Variants in CDC25C observed in about 807,000 individuals in gnomAD.
CDC25C encodes M-phase inducer phosphatase 3.
Under a neutral mutation model 52.5 loss-of-function variants are expected in CDC25C, and 48 were observed. The ratio of observed to expected loss-of-function variants is 0.91; its 90% CI spans 0.72 to 1.16. The LOEUF (loss-of-function observed/expected upper bound fraction) is 1.16, where lower values mean the gene tolerates loss of function less well. Ranked by LOEUF, CDC25C falls within the 50% of genes most tolerant of loss-of-function variation. CDC25C has a pLI of 0.00. For synonymous variants in CDC25C, 187 were observed against 206.5 expected (o/e 0.91, Z 0.81); for missense variants, 510 against 566.1 (o/e 0.90, Z 1.01).
chr5:138,315,946 C>T (rs1012474474), intron 7 of CDC25C, among the ~76,000 whole-genome samples: 1 of 152,218 alleles, frequency 6.6e-6, no homozygotes, highest in African/African-American at 2.4e-5. Context: ...CAGGAGCTCC[C>T]CTGGTGCTGC....
At chr5:138,321,771 A>C (rs946941516) in intron 6 of CDC25C, among the ~76,000 whole-genome samples, 11 of 149,614 alleles carry the variant, frequency 7.4e-5, no homozygotes, top group African/African-American at 2.2e-4. Context: ...AAAAAAAAAA[A>C]AAAAAAAAAA....
intron 8 of CDC25C, among the ~76,000 whole-genome samples, 184 bp from the exon 9 acceptor site, chr5:138,290,924 C>A (rs374766725): frequency 6.6e-6 from 1 of 152,004 alleles, no homozygotes; most frequent in African/African-American, 2.4e-5. Flanking sequence ...CACTGCACTC[C>A]AGTCTGGGAG....
rs532002017 is a variant in CDC25C at position 138,319,179 on chromosome 5, A to C, written c.615+40T>G. 3.2e-5 allele frequency: 49 copies of C among 1,533,658 alleles called. No homozygotes were observed. In the African/African-American group the frequency reaches 4.8e-4, roughly 15 times the overall value. ...AGTTCTTCTTTTAACAGAATGAAGG[A>C]ATATGAAGAATACAAAGATACTACC... On this transcript the variant is annotated intron_variant, in intron 7 of 13. Coordinates refer to ENST00000323760, the MANE Select transcript of CDC25C (RefSeq NM_001790.5).
chr5:138,322,609 G>C (rs1165889066), intron 6 of CDC25C, among the ~76,000 whole-genome samples: 2 of 150,924 alleles, frequency 1.3e-5, no homozygotes, highest in African/African-American at 4.9e-5. Context: ...CAGAGTAGCT[G>C]GGACTACAGG....
At chr5:138,302,155 C>G (rs112354065) in intron 7 of CDC25C, among the ~76,000 whole-genome samples, 21,606 of 151,272 alleles carry the variant, frequency 0.14, 1,836 homozygotes, top group South Asian at 0.23. Flanking sequence ...CCACCATGCC[C>G]GGCTAGTTTT....
At chr5:138,298,888 A>G (rs1273405970) in intron 7 of CDC25C, among the ~76,000 whole-genome samples, 2 of 152,122 alleles carry the variant, frequency 1.3e-5, no homozygotes, top group African/African-American at 4.8e-5. Context: ...CTGGAAAATT[A>G]GCAAATTTAT....
At chr5:138,323,576 T>C (rs939038094) in intron 6 of CDC25C, among the ~76,000 whole-genome samples, 3 of 151,866 alleles carry the variant, frequency 2.0e-5, no homozygotes, top group African/African-American at 7.3e-5. Flanking sequence ...CCTCCCAGAG[T>C]GCTGGGATTA....
rs533352625 is a variant in CDC25C at position 138,325,810 on chromosome 5, C to T, written c.459+5G>A. ...AATATATCTAGGTTTCCATTAAACA[C>T]TCACATTTTCTTTATTTGCAGATGA... On this transcript the variant is annotated splice_donor_5th_base_variant and intron_variant, in intron 6 of 13. Transcript: ENST00000323760. The T allele has an allele frequency of 1.3e-4, 208 of 1,602,370 alleles. 2 individuals carry two copies. In the South Asian group the frequency reaches 2.2e-3, roughly 17 times the overall value.
chr5:138,304,481 A>ACT (rs1757856690), intron 7 of CDC25C, among the ~76,000 whole-genome samples: 1 of 145,546 alleles, frequency 6.9e-6, no homozygotes, highest in African/African-American at 2.6e-5. Flanking sequence ...AATGGCTCCT[A>ACT]CTCTTACCTG....
chr5:138,325,787 T>C (rs776908982), intron 6 of CDC25C, 28 bp downstream of exon 6: 25 of 1,508,372 alleles, frequency 1.7e-5, no homozygotes, highest in Non-Finnish European at 2.2e-5. Context: ...AAACTGCCAA[T>C]ATATCTAGGT....
Position 138,331,671 on chromosome 5 carries a change from C to G in CDC25C, c.-115G>C. 1.0e-6 allele frequency: 1 copy of G among 993,894 alleles called. No individual in the cohort carries two copies. Among genetic ancestry groups the G allele is most frequent in the South Asian group, 4.4e-5 (1 of 22,478 alleles). 61.6% of individuals were successfully genotyped at this position (993,894 alleles called of 1,614,324 possible). On this transcript the variant is annotated 5_prime_UTR_variant, in exon 1 of 14. Transcript: ENST00000323760. ...GATCGGACACAGGCGAAGACTTGAG[C>G]AGAATGAAAGGAAATCTAGGGGAAA...
At chr5:138,338,004 T>C in exon 1 of CDC25C, 5 of 1,289,600 alleles carry the variant, frequency 3.9e-6, no homozygotes, top group Non-Finnish European at 5.1e-6. Context: ...TGCCTCCAAC[T>C]GGGGCCGTCC....
intron 12 of CDC25C, 60 bp from the exon 13 acceptor site, chr5:138,286,193 C>G (rs1756211240): frequency 7.8e-7 from 1 of 1,282,958 alleles, no homozygotes; most frequent in Admixed American, 1.8e-5. Flanking sequence ...ATCCCAGGGG[C>G]CATTCACTGG....
At position 138,319,201 on chromosome 5, in the gene CDC25C, T is replaced by C. The variant is rs1448782416; in HGVS notation, c.615+18A>G. On this transcript the variant is annotated intron_variant, in intron 7 of 13. Coordinates refer to ENST00000323760, the MANE Select transcript of CDC25C (RefSeq NM_001790.5). ...AGGAATATGAAGAATACAAAGATACTACCACAGAACACTTTACCTTTGCTT... is the reference window on the plus strand; with the variant it reads ...AGGAATATGAAGAATACAAAGATACCACCACAGAACACTTTACCTTTGCTT... 6.3e-7 allele frequency: 1 copy of C among 1,595,980 alleles called. No individual in the cohort carries two copies. The highest frequency in any genetic ancestry group is 1.1e-5 in the South Asian group (1 of 89,646).
At chr5:138,309,546 A>T (rs1758285610) in intron 7 of CDC25C, among the ~76,000 whole-genome samples, 1 of 152,054 alleles carries the variant, frequency 6.6e-6, no homozygotes, top group Admixed American at 6.6e-5. Flanking sequence ...AACAAGAGCA[A>T]AACTCCGTCT....
chr5:138,304,504 T>C (rs1258522546), intron 7 of CDC25C, among the ~76,000 whole-genome samples: 1 of 150,234 alleles, frequency 6.7e-6, no homozygotes, highest in Non-Finnish European at 1.5e-5. Flanking sequence ...TCCAACTCTT[T>C]TTTTTTTTTT....
At chr5:138,337,894 G>A (rs1204914098) in intron 1 of CDC25C, 1 of 1,192,088 alleles carries the variant, frequency 8.4e-7, no homozygotes, top group African/African-American at 1.6e-5. Flanking sequence ...GGCCCGAACC[G>A]AGTGGGAGGC....
chr5:138,336,146 T>TG (rs1389164091), upstream of CDC25C, among the ~76,000 whole-genome samples: 1 of 151,628 alleles, frequency 6.6e-6, no homozygotes, highest in Non-Finnish European at 1.5e-5. Flanking sequence ...TTTTTTTTTT[T>TG]TTTTGAGACA....
At chr5:138,311,563 C>T (rs11242421) in intron 7 of CDC25C, among the ~76,000 whole-genome samples, 1,836 of 152,172 alleles carry the variant, frequency 0.012, 20 homozygotes, top group Admixed American at 0.025. Flanking sequence ...CATCACTATA[C>T]TCCAGCCTGG....
Sources: gnomAD v4.1 joint callset for allele counts (sites outside exome capture counted in the v4.1 genomes callset) on GRCh38, gnomAD v4.1.1 for gene constraint, MANE v1.5 for transcripts, NCBI Gene and HGNC (gene_info 2026-07-23, HGNC 2026-07-21) for gene names.